Variants in GRID2 observed in about 807,000 individuals in gnomAD.
The protein encoded by GRID2 is glutamate receptor ionotropic, delta-2.
A neutral mutation model predicts 114.8 loss-of-function variants in GRID2; 33 were observed. The observed-to-expected ratio is 0.29, with a 90% CI of 0.22 to 0.38. The LOEUF is 0.38. Among genes scored for constraint, GRID2 ranks in the 10% least tolerant of loss-of-function variants. The pLI, the probability that GRID2 is intolerant of heterozygous loss-of-function variation, is 1.00. For synonymous variants in GRID2, 505 were observed against 449.9 expected (o/e 1.12, Z -1.55); for missense variants, 1,184 against 1,257.7 (o/e 0.94, Z 0.89).
intron 2 of GRID2, among the ~76,000 whole-genome samples, chr4:92,628,178 C>G (rs1399242811): frequency 6.6e-6 from 1 of 152,120 alleles, no homozygotes; most frequent in Admixed American, 6.5e-5. Context: ...ATACAACAAT[C>G]AGCTCTCATT....
chr4:92,639,735 C>A (rs547588723), intron 2 of GRID2, among the ~76,000 whole-genome samples: 1 of 151,682 alleles, frequency 6.6e-6, no homozygotes, highest in Admixed American at 6.6e-5. Flanking sequence ...CTGACTTCAC[C>A]ACTATGTAAT....
At chr4:93,352,016 A>T (rs1760850813) in intron 8 of GRID2, among the ~76,000 whole-genome samples, 1 of 152,022 alleles carries the variant, frequency 6.6e-6, no homozygotes, top group South Asian at 2.1e-4. Flanking sequence ...CCTGTTATAT[A>T]GATACTCTTA....
chr4:93,074,986 A>G (rs1447509978), intron 2 of GRID2, among the ~76,000 whole-genome samples: 1 of 152,166 alleles, frequency 6.6e-6, no homozygotes, highest in African/African-American at 2.4e-5. Context: ...CTCTCTCACT[A>G]CTGAAACTCC....
chr4:92,940,669 G>C (rs1301106465), intron 2 of GRID2, among the ~76,000 whole-genome samples: 1 of 152,082 alleles, frequency 6.6e-6, no homozygotes, highest in African/African-American at 2.4e-5. Context: ...AATGCTTCCA[G>C]GTTTTGCCCA....
rs553999287 is a variant in GRID2 at position 92,992,796 on chromosome 4, C to T, written c.245-92199C>T. On this transcript the variant is annotated intron_variant, in intron 2 of 15. Coordinates refer to ENST00000282020, the MANE Select transcript of GRID2 (RefSeq NM_001510.4). ...TGTCACAGACTTGAACATTATTAAACTTATATTTGAGATGCCTTTCAGAAT... is the reference window on the plus strand; with the variant it reads ...TGTCACAGACTTGAACATTATTAAATTTATATTTGAGATGCCTTTCAGAAT... Among the ~76,000 whole-genome samples, 126 of 152,164 alleles carry T rather than the reference C, an allele frequency of 8.3e-4. 1 individual carries two copies. The highest frequency in any genetic ancestry group is 3.0e-3 in the African/African-American group (125 of 41,524).
At chr4:92,963,698 C>A (rs889285246) in intron 2 of GRID2, among the ~76,000 whole-genome samples, 2 of 151,930 alleles carry the variant, frequency 1.3e-5, no homozygotes, top group Non-Finnish European at 2.9e-5. Flanking sequence ...ATGTTGATCA[C>A]CTCCCATGAA....
chr4:93,096,323 G>C (rs1731222345), intron 3 of GRID2, among the ~76,000 whole-genome samples: 1 of 151,886 alleles, frequency 6.6e-6, no homozygotes, highest in Admixed American at 6.6e-5. Flanking sequence ...GATTTCTTAG[G>C]TACCAAAAAG....
At chr4:93,758,770 C>A (rs1309719336) in intron 14 of GRID2, among the ~76,000 whole-genome samples, 1 of 152,098 alleles carries the variant, frequency 6.6e-6, no homozygotes, top group Non-Finnish European at 1.5e-5. Flanking sequence ...CTTTATGACA[C>A]CTTTTCATAA....
chr4:92,726,548 T>C (rs1404353580), intron 2 of GRID2, among the ~76,000 whole-genome samples: 1 of 152,068 alleles, frequency 6.6e-6, no homozygotes, highest in Non-Finnish European at 1.5e-5. Context: ...ATACAGAAAG[T>C]AGTGATGAAA....
At chr4:93,366,693 G>A (rs1449726641) in intron 8 of GRID2, among the ~76,000 whole-genome samples, 1 of 151,920 alleles carries the variant, frequency 6.6e-6, no homozygotes, top group Non-Finnish European at 1.5e-5. Flanking sequence ...TGGCTTGTGG[G>A]GCATCATAGA....
At chr4:93,314,303 C>CAAAAAAAAAAAAAAAAAAAAA (rs56977080) in intron 8 of GRID2, among the ~76,000 whole-genome samples, 1 of 54,148 alleles carries the variant, frequency 1.8e-5, no homozygotes. Flanking sequence ...GAGTCTGTCT[C>CAAAAAAAAAAAAAAAAAAAAA]AAAAAAAAAA....
At chr4:92,724,610 T>C (rs1560555107) in intron 2 of GRID2, among the ~76,000 whole-genome samples, 3 of 152,306 alleles carry the variant, frequency 2.0e-5, no homozygotes, top group South Asian at 2.1e-4. Context: ...ACTATAGTCA[T>C]GTAATAGACA....
rs1158118048 is a variant in GRID2, at chr4:93,359,869, TAAAAAAAAAAAAAA to T, written c.1246-35719_1246-35706del. On this transcript the variant is annotated intron_variant, in intron 8 of 15. Transcript: ENST00000282020. ...CAAAAGGGCATAGATAAGGAAGGTG[TAAAAAAAAAAAAAA>T]AAAAAAAAAAAAAAAAAATGGGGTC... Among the ~76,000 whole-genome samples the T allele has an allele frequency of 1.0e-3, 24 of 23,632 alleles. No homozygotes were observed. The South Asian group carries it at 0.013, about 13-fold the overall frequency. 15.5% of individuals were successfully genotyped at this position (23,632 alleles called of 152,430 possible). A position where few individuals can be genotyped will look rare whatever the true frequency, so the allele number is the denominator to read the frequency against.
intron 1 of GRID2, among the ~76,000 whole-genome samples, chr4:92,491,093 T>C (rs1454954930): frequency 6.6e-6 from 1 of 152,164 alleles, no homozygotes; most frequent in Non-Finnish European, 1.5e-5. Context: ...AGATCTTATA[T>C]ATCACTGCAT....
chr4:93,009,949 A>G (rs987851074), intron 2 of GRID2, among the ~76,000 whole-genome samples: 90 of 152,064 alleles, frequency 5.9e-4, no homozygotes, highest in African/African-American at 2.1e-3. Context: ...CCTGCTCATT[A>G]TTTTGGCCTC....
rs191397755 is a variant in GRID2, at chr4:92,916,933, G to A, written c.245-168062G>A. On this transcript the variant is annotated intron_variant, in intron 2 of 15. Transcript: ENST00000282020. Reference sequence around the variant, plus strand: ...CTAGTTCTTAGATCCCTGAAGAATCGCCACACTGACTTCCACAATGGTTGA... The same window carrying A: ...CTAGTTCTTAGATCCCTGAAGAATCACCACACTGACTTCCACAATGGTTGA... Among the ~76,000 whole-genome samples, 161 of 152,240 alleles carry A rather than the reference G, an allele frequency of 1.1e-3. 2 individuals carry two copies. The highest frequency in any genetic ancestry group is 5.0e-4 in the Non-Finnish European group (34 of 68,012).
chr4:93,332,882 A>C (rs1025435635), intron 8 of GRID2, among the ~76,000 whole-genome samples: 1 of 152,150 alleles, frequency 6.6e-6, no homozygotes, highest in African/African-American at 2.4e-5. Flanking sequence ...GCTCTTCAGA[A>C]GGCTTTGCTT....
At chr4:92,568,870 A>T (rs764633155) in intron 1 of GRID2, among the ~76,000 whole-genome samples, 8 of 152,076 alleles carry the variant, frequency 5.3e-5, no homozygotes, top group Non-Finnish European at 1.2e-4. Flanking sequence ...AACAGCTTCC[A>T]GCTCCATCCA....
chr4:92,625,931 C>T (rs1198385000), intron 2 of GRID2, among the ~76,000 whole-genome samples: 1 of 151,894 alleles, frequency 6.6e-6, no homozygotes, highest in African/African-American at 2.4e-5. Flanking sequence ...ATTCTGTGTA[C>T]ATTTTGCTTT....
Sources: allele counts gnomAD v4.1 joint callset (sites outside exome capture counted in the v4.1 genomes callset), GRCh38; gene constraint gnomAD v4.1.1; transcripts MANE v1.5; gene names NCBI Gene and HGNC (gene_info 2026-07-23, HGNC 2026-07-21).